The following GNPTG variants were observed in gnomAD, a reference collection of about 807,000 sequenced individuals.
GNPTG encodes the protein N-acetylglucosamine-1-phosphate transferase subunit gamma.
GNPTG carries 46 observed loss-of-function variants against 43.8 expected under a neutral mutation model. The ratio of observed to expected loss-of-function variants is 1.05; its 90% CI spans 0.83 to 1.34. The LOEUF (loss-of-function observed/expected upper bound fraction) is 1.34. Among genes scored for constraint, GNPTG ranks in the 40% most tolerant of loss-of-function variants. The pLI, the probability that GNPTG is intolerant of heterozygous loss-of-function variation, is 0.00. For missense variants in GNPTG, 549 were observed against 411.3 expected (o/e 1.33, Z -2.90); for synonymous variants, 250 against 172.8 (o/e 1.45, Z -3.50).
rs761837002 is a variant in GNPTG at position 1,362,754 on chromosome 16, G to T, written c.741+12G>T. 16 of 1,613,996 alleles carry T rather than the reference G, an allele frequency of 9.9e-6. No homozygotes were observed. Among genetic ancestry groups the T allele is most frequent in the East Asian group, 6.7e-5 (3 of 44,900 alleles). ...AAAACTGCAGGAAGGTACCGTATTG[G>T]GGGGAGGTGGTGGCACGCAGTAGCC... On this transcript the variant is annotated intron_variant, in intron 9 of 10. Coordinates refer to ENST00000204679, the MANE Select transcript of GNPTG (RefSeq NM_032520.5).
chr16:1,354,585 C>CAAAAAAAAAAAAAAA (rs869067502), intron 3 of GNPTG, among the ~76,000 whole-genome samples: 638 of 44,300 alleles, frequency 0.014, 48 homozygotes, highest in East Asian at 0.029. Flanking sequence ...GACTTCGTCT[C>CAAAAAAAAAAAAAAA]AAAAAAAAAA....
At chr16:1,362,942 T>C (rs1377640223) in intron 10 of GNPTG, 36 bp downstream of exon 10, 1 of 1,613,604 alleles carries the variant, frequency 6.2e-7, no homozygotes, top group Admixed American at 1.7e-5. Context: ...AGGCTCACCA[T>C]CACACTCGCC....
chr16:1,362,559 CT>C (rs1567184776), intron 8 of GNPTG, 25 bp downstream of exon 8: 4 of 1,614,174 alleles, frequency 2.5e-6, no homozygotes, highest in Admixed American at 1.7e-5. Context: ...GGGGTGGCCC[CT>C]GGTGGGCCTG....
At chr16:1,355,021 C>T (rs988859587) in intron 3 of GNPTG, among the ~76,000 whole-genome samples, 3 of 151,204 alleles carry the variant, frequency 2.0e-5, no homozygotes, top group African/African-American at 4.9e-5. Context: ...GGGCGTGGAT[C>T]GTCTCCCGCA....
chr16:1,355,885 G>C lies in GNPTG; in HGVS notation c.178+3579G>C, dbSNP rs111318044. Among the ~76,000 whole-genome samples, 451 of 152,142 alleles carry C rather than the reference G, an allele frequency of 3.0e-3. 9 individuals are homozygous for C. The highest frequency in any genetic ancestry group is 4.7e-4 in the Non-Finnish European group (32 of 67,972). The stretch of plus-strand genomic sequence containing the variant: ...TGGGAGCTTGCTTTCGGCTGGGGCC[G>C]GGCTGGGTCTGCCAGGCAGTCCCTG... On this transcript the variant is annotated intron_variant, in intron 3 of 10. Coordinates refer to ENST00000204679, the MANE Select transcript of GNPTG (RefSeq NM_032520.5).
Position 1,363,121 on chromosome 16 carries a change from G to C in GNPTG, c.*30G>C. The C allele has an allele frequency of 6.3e-7, 1 of 1,598,796 alleles. No homozygotes were observed. Among genetic ancestry groups the C allele is most frequent in the Non-Finnish European group, 8.5e-7 (1 of 1,169,882 alleles). ...GTGGTGGGAGAGCAGAGGTGGACGC[G>C]GCCGAGAGCCCTACAGAGAAGCTGG... is the stretch of plus-strand genomic sequence containing the variant. On this transcript the variant is annotated 3_prime_UTR_variant, in exon 11 of 11. Transcript: ENST00000204679.
chr16:1,353,816 A>G lies in GNPTG; in HGVS notation c.178+1510A>G, dbSNP rs1389393737. Reference sequence around the variant, plus strand: ...TAAATAGGGTGCTGAGGAAAAGTCTAAGAAGTGACATTTCAGCCAAAAGCT... The same window carrying G: ...TAAATAGGGTGCTGAGGAAAAGTCTGAGAAGTGACATTTCAGCCAAAAGCT... On this transcript the variant is annotated intron_variant, in intron 3 of 10. Coordinates refer to ENST00000204679, the MANE Select transcript of GNPTG (RefSeq NM_032520.5). Among the ~76,000 whole-genome samples the G allele has an allele frequency of 3.3e-5, 5 of 152,308 alleles. No individual in the cohort carries two copies. In the East Asian group the frequency reaches 9.6e-4, roughly 29 times the overall value.
At chr16:1,358,606 T>G (rs562225308) in intron 3 of GNPTG, among the ~76,000 whole-genome samples, 1 of 152,260 alleles carries the variant, frequency 6.6e-6, no homozygotes, top group Admixed American at 6.5e-5. Flanking sequence ...TTCCAATTTC[T>G]GAGAGTAGCT....
In GNPTG at chr16:1,362,530, C is replaced by T. The variant is rs750752675; in HGVS notation, c.605C>T (p.Pro202Leu). 3 of 1,614,172 alleles carry T rather than the reference C, an allele frequency of 1.9e-6. No homozygotes were observed. The highest frequency in any genetic ancestry group is 3.3e-5 in the Admixed American group (2 of 60,030). Residue 202 changes from proline to leucine, a missense_variant, in exon 8 of 11, where the codon CCC becomes CTC. Coordinates refer to ENST00000204679, the MANE Select transcript of GNPTG (RefSeq NM_032520.5). ...GACCTGGCCGATGAGCTGATCACCC[C>T]CCAGGTAAGCGTGCGCTCGGGGTGG... ...EQDLADELIT[P>L]QGHEKLLRTL...
rs139385234 is a variant in GNPTG, at chr16:1,361,940, A to G, written c.302A>G (p.Tyr101Cys). 18 of 1,613,472 alleles carry G rather than the reference A, an allele frequency of 1.1e-5. No individual in the cohort carries two copies. The highest frequency in any genetic ancestry group is 1.5e-5 in the Non-Finnish European group (18 of 1,180,032). Residue 101 changes from tyrosine (Y) to cysteine (C), a missense_variant, in exon 5 of 11, where the codon TAC becomes TGC. Coordinates refer to ENST00000204679, the MANE Select transcript of GNPTG (RefSeq NM_032520.5). ...GAGCAGACCTTCCGCTGGAACGCCTACAGTGGGATCCTCGGGTGAGTGGGG... is the reference window on the plus strand; with the variant it reads ...GAGCAGACCTTCCGCTGGAACGCCTGCAGTGGGATCCTCGGGTGAGTGGGG... ...QHEQTFRWNAYSGILGIWHEW... is the reference protein window; with the variant it reads ...QHEQTFRWNACSGILGIWHEW...
Position 1,352,129 on chromosome 16 carries a change from T to C in GNPTG, c.80T>C (p.Met27Thr). 5 of 1,582,788 alleles carry C rather than the reference T, an allele frequency of 3.2e-6. No individual in the cohort carries two copies. The highest frequency in any genetic ancestry group is 3.4e-6 in the Non-Finnish European group (4 of 1,166,210). The change falls in exon 2 of 11, where the codon ATG becomes ACG. Residue 27 changes from methionine (M) to threonine (T), a missense_variant. Met to Thr is a moderately conservative substitution (Grantham distance 81). Transcript: ENST00000204679. ...CCCGCGCCGGCAGGTGCAGCGAAGA[T>C]GAAGGTGGTGGAGGAGCCCAACGCG... ...GGPAPAGAAK[M>T]KVVEEPNAFG...
At chr16:1,352,356 C>T in intron 3 of GNPTG, 50 bp downstream of exon 3, 3 of 1,521,552 alleles carry the variant, frequency 2.0e-6, no homozygotes, top group Non-Finnish European at 2.7e-6. Context: ...CGGGGAGCAG[C>T]AACAGTGGAG....
At position 1,363,216 on chromosome 16, in the gene GNPTG, G is replaced by A; in HGVS notation, c.*125G>A. 1.2e-6 allele frequency: 1 copy of A among 803,380 alleles called. No individual in the cohort carries two copies. The highest frequency in any genetic ancestry group is 2.1e-6 in the Non-Finnish European group (1 of 478,546). 49.8% of individuals were successfully genotyped at this position (803,380 alleles called of 1,614,324 possible). On this transcript the variant is annotated 3_prime_UTR_variant, in exon 11 of 11. Transcript: ENST00000204679. The stretch of plus-strand genomic sequence containing the variant: ...GAAGCAGACAAAACAAAGATTCAAG[G>A]TTTTAATTAATTCCCATACTGATAA...
rs779191841 is a variant in GNPTG, at chr16:1,362,025, C to T, written c.318-13C>T. 15 of 1,612,644 alleles carry T rather than the reference C, an allele frequency of 9.3e-6. No individual in the cohort carries two copies. The highest frequency in any genetic ancestry group is 1.6e-4 in the Middle Eastern group (1 of 6,080). ...CCCACCCGGCCTCACGTGCCGTGCC[C>T]GTGTCTCCCCAGCATCTGGCACGAG... is the stretch of plus-strand genomic sequence containing the variant. On this transcript the variant is annotated splice_polypyrimidine_tract_variant and intron_variant, in intron 5 of 10. Coordinates refer to ENST00000204679, the MANE Select transcript of GNPTG (RefSeq NM_032520.5).
In GNPTG at chr16:1,362,712, G is replaced by C. The variant is rs1443489626; in HGVS notation, c.711G>C (p.Leu237Phe). The change falls in exon 9 of 11, where the codon TTG (leucine) becomes TTC (phenylalanine). Residue 237 changes from leucine to phenylalanine, a missense_variant. By Grantham distance (22) the Leu-to-Phe change is conservative. Transcript: ENST00000204679. ...PTQLEGGPDS[L>F]GFETLENCRK... The stretch of plus-strand genomic sequence containing the variant: ...AGCTGGAGGGAGGTCCTGACAGCTT[G>C]GGGTTTGAGACCCTGGAAAACTGCA... 1 of 1,613,932 alleles carries C rather than the reference G, an allele frequency of 6.2e-7. No individual in the cohort carries two copies. Among genetic ancestry groups the C allele is most frequent in the Non-Finnish European group, 8.5e-7 (1 of 1,179,924 alleles).
rs1018283678 is a variant in GNPTG at position 1,363,352 on chromosome 16, C to T, written c.*261C>T. 4 of 475,126 alleles carry T rather than the reference C, an allele frequency of 8.4e-6. No individual in the cohort carries two copies. The highest frequency in any genetic ancestry group is 4.1e-5 in the East Asian group (1 of 24,586). 29.4% of individuals were successfully genotyped at this position (475,126 alleles called of 1,614,324 possible). The stretch of plus-strand genomic sequence containing the variant: ...TACAAGTAAATGATTATAAATACTA[C>T]CTTCTGGGTTAAGAAAATTCCATTC... On this transcript the variant is annotated 3_prime_UTR_variant, in exon 11 of 11. Coordinates refer to ENST00000204679, the MANE Select transcript of GNPTG (RefSeq NM_032520.5).
rs779505508 is a variant in GNPTG at position 1,351,985 on chromosome 16, G to A, written c.20G>A (p.Arg7Gln). 16 of 1,393,810 alleles carry A rather than the reference G, an allele frequency of 1.1e-5. No homozygotes were observed. The highest frequency in any genetic ancestry group is 2.6e-4 in the Middle Eastern group (1 of 3,876). The allele number at this position is 1,393,810 out of a possible 1,614,324, so 86.3% of individuals were successfully genotyped here. A position where few individuals can be genotyped will look rare whatever the true frequency, so the allele number is the denominator to read the frequency against. The change falls in exon 1 of 11, where the codon CGG becomes CAG. Residue 7 changes from arginine to glutamine, a missense_variant. Coordinates refer to ENST00000204679, the MANE Select transcript of GNPTG (RefSeq NM_032520.5). Reference protein sequence around the residue: MAAGLARLLLLLGLSAG... With the variant: MAAGLAQLLLLLGLSAG... ...GGCGCGATGGCGGCGGGGCTGGCGCGGCTCCTGTTGCTCCTCGGGCTCTCG... is the reference window on the plus strand; with the variant it reads ...GGCGCGATGGCGGCGGGGCTGGCGCAGCTCCTGTTGCTCCTCGGGCTCTCG...
chr16:1,353,299 C>G (rs2034717642), intron 3 of GNPTG, among the ~76,000 whole-genome samples: 1 of 152,114 alleles, frequency 6.6e-6, no homozygotes, highest in Admixed American at 6.5e-5. Context: ...TTATCGAATA[C>G]CTTTATGTGT....
intron 3 of GNPTG, among the ~76,000 whole-genome samples, chr16:1,359,340 C>T (rs1596609926): frequency 6.6e-6 from 1 of 152,034 alleles, no homozygotes; most frequent in African/African-American, 2.4e-5. Flanking sequence ...GATCTTGGCT[C>T]ACGGCAACCT....
Sources: allele counts gnomAD v4.1 joint callset (sites outside exome capture counted in the v4.1 genomes callset), GRCh38; gene constraint gnomAD v4.1.1; transcripts MANE v1.5; gene names NCBI Gene and HGNC (gene_info 2026-07-23, HGNC 2026-07-21).